AK5: variants seen among roughly 807,000 people sequenced by gnomAD.
AK5 encodes adenylate kinase isoenzyme 5.
In AK5, 27 loss-of-function variants were observed where a neutral mutation model predicts 69.5. The observed-to-expected ratio is 0.39, with a 90% CI of 0.29 to 0.54. AK5 has a LOEUF of 0.54. Among genes scored for constraint, AK5 ranks in the 20% least tolerant of loss-of-function variants. The pLI is 0.71. For missense variants in AK5, 531 were observed against 700.4 expected (o/e 0.76, Z 2.73); for synonymous variants, 260 against 244.4 (o/e 1.06, Z -0.60).
At chr1:77,325,213 G>T in intron 5 of AK5, among the ~76,000 whole-genome samples, 1 of 149,720 alleles carries the variant, frequency 6.7e-6, no homozygotes, top group East Asian at 2.0e-4. Context: ...CACCACGTTG[G>T]TCAGGCTGGT....
chr1:77,387,860 C>G (rs1557551221), intron 6 of AK5, among the ~76,000 whole-genome samples: 1 of 152,168 alleles, frequency 6.6e-6, no homozygotes, highest in Non-Finnish European at 1.5e-5. Context: ...ATTTGAAAAG[C>G]AAATAATCAT....
chr1:77,284,110 A>C (rs901221574), intron 1 of AK5, among the ~76,000 whole-genome samples: 30 of 152,210 alleles, frequency 2.0e-4, no homozygotes, highest in Non-Finnish European at 4.0e-4. Flanking sequence ...AAGGAAGTCA[A>C]CTTGCTTGGG....
At chr1:77,547,271 C>T (rs371294212) in intron 13 of AK5, among the ~76,000 whole-genome samples, 5 of 107,434 alleles carry the variant, frequency 4.7e-5, no homozygotes, top group African/African-American at 1.3e-4. Context: ...ATAAAGTTCT[C>T]TTTTTTTTTT....
intron 10 of AK5, among the ~76,000 whole-genome samples, chr1:77,496,352 A>G (rs1435524446): frequency 2.0e-5 from 3 of 152,190 alleles, no homozygotes; most frequent in African/African-American, 7.2e-5. Flanking sequence ...GAGAGATAGT[A>G]TGAACTTCAT....
chr1:77,286,252 T>C (rs561999894), intron 1 of AK5, among the ~76,000 whole-genome samples: 1 of 151,828 alleles, frequency 6.6e-6, no homozygotes, highest in East Asian at 1.9e-4. Flanking sequence ...AAGAAGAAAC[T>C]GAGGTTTAGA....
intron 5 of AK5, among the ~76,000 whole-genome samples, chr1:77,310,185 G>A (rs557993286): frequency 2.0e-5 from 3 of 152,202 alleles, no homozygotes; most frequent in South Asian, 2.1e-4. Flanking sequence ...TCCAAAGAAC[G>A]TTTGTTGACT....
chr1:77,395,451 T>G (rs926455919), intron 6 of AK5, among the ~76,000 whole-genome samples: 1 of 152,244 alleles, frequency 6.6e-6, no homozygotes, highest in African/African-American at 2.4e-5. Flanking sequence ...TTGCAAAGAC[T>G]ATGTGCCTTT....
At chr1:77,558,540 C>T in intron 13 of AK5, 62 bp from the exon 14 acceptor site, 1 of 1,076,886 alleles carries the variant, frequency 9.3e-7, no homozygotes, top group Non-Finnish European at 1.4e-6. Flanking sequence ...AGTGTTCTTT[C>T]ATTATTAAAC....
chr1:77,408,693 A>G (rs1486125308), intron 6 of AK5, among the ~76,000 whole-genome samples: 1 of 152,020 alleles, frequency 6.6e-6, no homozygotes, highest in Non-Finnish European at 1.5e-5. Flanking sequence ...TGTGCAGTTC[A>G]TTGTGTATCA....
intron 13 of AK5, among the ~76,000 whole-genome samples, chr1:77,549,537 T>C (rs531444432): frequency 1.3e-5 from 2 of 152,308 alleles, no homozygotes; most frequent in East Asian, 3.9e-4. Flanking sequence ...TATCAAATAC[T>C]AGATCACATT....
At chr1:77,322,691 G>A (rs546460600) in intron 5 of AK5, among the ~76,000 whole-genome samples, 2 of 151,796 alleles carry the variant, frequency 1.3e-5, no homozygotes, top group African/African-American at 4.8e-5. Flanking sequence ...TCTAGTTAAC[G>A]TGAGAGCTAA....
chr1:77,426,182 G>A (rs1651195016), intron 8 of AK5, among the ~76,000 whole-genome samples: 1 of 152,146 alleles, frequency 6.6e-6, no homozygotes, highest in African/African-American at 2.4e-5. Flanking sequence ...TCAAATGACA[G>A]AGATTGTCAG....
chr1:77,450,106 C>G (rs1010608993), intron 8 of AK5, among the ~76,000 whole-genome samples: 1 of 152,168 alleles, frequency 6.6e-6, no homozygotes, highest in Admixed American at 6.5e-5. Context: ...GCAAGAGTCA[C>G]CTTTGCTGCA....
intron 8 of AK5, among the ~76,000 whole-genome samples, chr1:77,432,829 G>T (rs1651727863): frequency 6.6e-6 from 1 of 152,166 alleles, no homozygotes; most frequent in South Asian, 2.1e-4. Context: ...TGTGAAATCT[G>T]AATTACATCA....
intron 8 of AK5, among the ~76,000 whole-genome samples, chr1:77,474,883 C>T (rs1557619065): frequency 6.6e-6 from 1 of 152,110 alleles, no homozygotes; most frequent in African/African-American, 2.4e-5. Context: ...CAGCTCACTG[C>T]AGCCTCAAAC....
intron 5 of AK5, among the ~76,000 whole-genome samples, chr1:77,302,310 A>G (rs939182343): frequency 2.6e-5 from 4 of 152,236 alleles, no homozygotes; most frequent in African/African-American, 9.6e-5. Flanking sequence ...AAAAGAGGAA[A>G]AAGCAAAAAG....
chr1:77,387,800 T>C (rs951160718), intron 6 of AK5, among the ~76,000 whole-genome samples: 1 of 152,208 alleles, frequency 6.6e-6, no homozygotes, highest in Non-Finnish European at 1.5e-5. Context: ...TGCTGGGAAT[T>C]AACAGGACTT....
chr1:77,555,489 C>T (rs1186539600), intron 13 of AK5, among the ~76,000 whole-genome samples: 1 of 152,122 alleles, frequency 6.6e-6, no homozygotes, highest in Non-Finnish European at 1.5e-5. Flanking sequence ...GAATCAAAGG[C>T]CTGGGTGTGA....
At chr1:77,435,067 A>C (rs1651875079) in intron 8 of AK5, among the ~76,000 whole-genome samples, 1 of 152,220 alleles carries the variant, frequency 6.6e-6, no homozygotes, top group South Asian at 2.1e-4. Flanking sequence ...AGGTCATAAC[A>C]GCAGAGCTTG....
Sources: gnomAD v4.1 joint callset for allele counts (sites outside exome capture counted in the v4.1 genomes callset) on GRCh38, gnomAD v4.1.1 for gene constraint, MANE v1.5 for transcripts, NCBI Gene and HGNC (gene_info 2026-07-23, HGNC 2026-07-21) for gene names.